FHIT: variants seen among roughly 807,000 people sequenced by gnomAD.
The protein encoded by FHIT is bis(5'-adenosyl)-triphosphatase.
FHIT carries 19 observed loss-of-function variants against 17.9 expected under a neutral mutation model. The ratio of observed to expected loss-of-function variants is 1.06; its 90% CI spans 0.74 to 1.56. The LOEUF (loss-of-function observed/expected upper bound fraction) is 1.56. Ranked by LOEUF, FHIT falls within the 40% of genes most tolerant of loss-of-function variation. The pLI is 0.00. For synonymous variants in FHIT, 81 were observed against 69.7 expected (o/e 1.16, Z -0.81); for missense variants, 248 against 189.2 (o/e 1.31, Z -1.82).
intron 8 of FHIT, among the ~76,000 whole-genome samples, chr3:59,795,019 G>A (rs978791651): frequency 1.3e-5 from 2 of 152,186 alleles, no homozygotes; most frequent in Admixed American, 1.3e-4. Context: ...TTACCTCAAA[G>A]GATGAAGAGA....
intron 5 of FHIT, among the ~76,000 whole-genome samples, chr3:60,351,935 A>G (rs999457292): frequency 1.3e-5 from 2 of 152,180 alleles, no homozygotes; most frequent in African/African-American, 4.8e-5. Flanking sequence ...GCCTTCTTTG[A>G]TAAGTTTGTT....
intron 7 of FHIT, among the ~76,000 whole-genome samples, chr3:59,985,487 G>C (rs1575819433): frequency 1.3e-5 from 2 of 152,220 alleles, no homozygotes; most frequent in East Asian, 3.9e-4. Flanking sequence ...GTGTAAGTAA[G>C]TAAAGCAATT....
At chr3:60,700,763 G>A (rs2041227214) in intron 4 of FHIT, among the ~76,000 whole-genome samples, 1 of 152,060 alleles carries the variant, frequency 6.6e-6, no homozygotes, top group Non-Finnish European at 1.5e-5. Flanking sequence ...TCAACTACTT[G>A]ACTGGAAAAG....
intron 5 of FHIT, among the ~76,000 whole-genome samples, chr3:60,388,992 T>C (rs2107144473): frequency 6.6e-6 from 1 of 152,298 alleles, no homozygotes; most frequent in Admixed American, 6.5e-5. Flanking sequence ...CCCTGCCTAC[T>C]TTTAGTCATC....
chr3:61,227,888 G>A (rs940347103), intron 1 of FHIT, among the ~76,000 whole-genome samples: 4 of 152,026 alleles, frequency 2.6e-5, no homozygotes, highest in African/African-American at 9.7e-5. Context: ...AATAAAAATG[G>A]TACTAGCAAA....
intron 5 of FHIT, among the ~76,000 whole-genome samples, chr3:60,156,194 A>T (rs927095571): frequency 6.6e-6 from 1 of 151,872 alleles, no homozygotes; most frequent in African/African-American, 2.4e-5. Context: ...TCTACTAAAA[A>T]TACAAAAATT....
intron 8 of FHIT, among the ~76,000 whole-genome samples, chr3:59,828,576 A>G (rs1310477852): frequency 6.6e-6 from 1 of 152,214 alleles, no homozygotes; most frequent in Non-Finnish European, 1.5e-5. Context: ...GAAAGACGCT[A>G]GATACAACGG....
chr3:61,157,912 G>T lies in FHIT; in HGVS notation c.-164+42705C>A, dbSNP rs116901092. On this transcript the variant is annotated intron_variant, in intron 2 of 9. Coordinates refer to ENST00000492590, the MANE Select transcript of FHIT (RefSeq NM_002012.4). The stretch of plus-strand genomic sequence containing the variant: ...TACCTCTTACGAAGAGGTAGAGATG[G>T]GATAAAAGGGGGCACAAATTTGTAA... 1.1e-3 allele frequency among the ~76,000 whole-genome samples: 167 copies of T among 152,152 alleles called. 3 individuals are homozygous for T. The East Asian group carries it at 0.029, about 27-fold the overall frequency.
chr3:60,294,708 C>T (rs1576434964), intron 5 of FHIT, among the ~76,000 whole-genome samples: 1 of 152,130 alleles, frequency 6.6e-6, no homozygotes, highest in African/African-American at 2.4e-5. Context: ...TCTAACCATC[C>T]TTAATCACTG....
intron 8 of FHIT, among the ~76,000 whole-genome samples, chr3:59,814,850 C>T (rs1012900930): frequency 8.5e-5 from 13 of 152,102 alleles, no homozygotes; most frequent in African/African-American, 1.2e-4. Flanking sequence ...TCCTCCTGTT[C>T]TCACAAAGGC....
intron 3 of FHIT, among the ~76,000 whole-genome samples, chr3:60,906,396 C>G (rs1380144721): frequency 6.6e-6 from 1 of 152,168 alleles, no homozygotes; most frequent in African/African-American, 2.4e-5. Flanking sequence ...ATACATGCAT[C>G]TACCTATCTG....
chr3:60,929,212 C>G (rs1553770974), intron 3 of FHIT, among the ~76,000 whole-genome samples: 2 of 152,160 alleles, frequency 1.3e-5, no homozygotes, highest in East Asian at 1.9e-4. Context: ...GGACATATCT[C>G]AAAATAATAA....
chr3:60,457,378 G>A (rs1411996097), intron 5 of FHIT, among the ~76,000 whole-genome samples: 4 of 152,154 alleles, frequency 2.6e-5, no homozygotes, highest in South Asian at 2.1e-4. Context: ...GGCTAGCCAT[G>A]TGTAGAAAGC....
intron 7 of FHIT, among the ~76,000 whole-genome samples, chr3:59,935,493 A>G (rs530849996): frequency 1.3e-5 from 2 of 152,160 alleles, no homozygotes; most frequent in Admixed American, 6.5e-5. Flanking sequence ...ACCACAAAGT[A>G]TAAGTAATTA....
At chr3:60,089,425 T>G (rs1369581058) in intron 5 of FHIT, among the ~76,000 whole-genome samples, 2 of 151,942 alleles carry the variant, frequency 1.3e-5, no homozygotes, top group Non-Finnish European at 2.9e-5. Flanking sequence ...CAGCACAGAG[T>G]AGATGAAGCT....
chr3:61,008,472 G>A (rs531659896), intron 3 of FHIT, among the ~76,000 whole-genome samples: 6 of 152,064 alleles, frequency 3.9e-5, no homozygotes, highest in African/African-American at 1.4e-4. Context: ...GGAGTCTGGG[G>A]CTAGGAAGAA....
chr3:61,147,234 T>C (rs575822991), intron 2 of FHIT, among the ~76,000 whole-genome samples: 2 of 152,004 alleles, frequency 1.3e-5, no homozygotes. Flanking sequence ...GGCAAAACGT[T>C]CTGTTGAGGC....
intron 1 of FHIT, among the ~76,000 whole-genome samples, chr3:61,205,596 G>A (rs2039199038): frequency 6.6e-6 from 1 of 152,172 alleles, no homozygotes; most frequent in East Asian, 1.9e-4. Context: ...TTTTTCATGT[G>A]TCTTTTGGCT....
intron 3 of FHIT, among the ~76,000 whole-genome samples, chr3:60,872,175 T>C (rs1425240414): frequency 1.3e-5 from 2 of 152,126 alleles, no homozygotes; most frequent in Non-Finnish European, 2.9e-5. Flanking sequence ...CTGCTTTGTT[T>C]TGTTTGTGGT....
Sources: gnomAD v4.1 joint callset for allele counts (sites outside exome capture counted in the v4.1 genomes callset) on GRCh38, gnomAD v4.1.1 for gene constraint, MANE v1.5 for transcripts, NCBI Gene and HGNC (gene_info 2026-07-23, HGNC 2026-07-21) for gene names.